CHRM3: variants seen among roughly 807,000 people sequenced by gnomAD.
CHRM3 encodes cholinergic receptor muscarinic 3.
In CHRM3, 11 loss-of-function variants were observed where a neutral mutation model predicts 41.8. The ratio of observed to expected loss-of-function variants is 0.26; its 90% confidence interval spans 0.17 to 0.44. The LOEUF (loss-of-function observed/expected upper bound fraction) is 0.44, where lower values mean the gene tolerates loss of function less well. CHRM3 is among the 20% of genes least tolerant of loss of function. The probability of loss-of-function intolerance (pLI) is 1.00; values close to 1 mark genes in which losing one functional copy is unlikely to be tolerated. For missense variants in CHRM3, 571 were observed against 745.4 expected (o/e 0.77, Z 2.72); for synonymous variants, 297 against 301.4 (o/e 0.99, Z 0.15).
chr1:239,685,531 CTG>C (rs1188909928), intron 5 of CHRM3, among the ~76,000 whole-genome samples: 2 of 151,906 alleles, frequency 1.3e-5, no homozygotes, highest in Admixed American at 6.6e-5. Context: ...CCTCTCAAAA[CTG>C]TGTTCTGGAC....
chr1:239,608,167 A>G (rs1311162955), intron 3 of CHRM3, among the ~76,000 whole-genome samples: 1 of 152,216 alleles, frequency 6.6e-6, no homozygotes, highest in African/African-American at 2.4e-5. Flanking sequence ...AATTTTTGTT[A>G]TAGTTACATT....
At chr1:239,809,202 A>G (rs1670914831) in intron 5 of CHRM3, among the ~76,000 whole-genome samples, 1 of 151,174 alleles carries the variant, frequency 6.6e-6, no homozygotes, top group African/African-American at 2.4e-5. Flanking sequence ...TTGTATTTTT[A>G]GTAGAGAAGG....
At chr1:239,656,267 G>T (rs188258979) in intron 4 of CHRM3, among the ~76,000 whole-genome samples, 1 of 151,926 alleles carries the variant, frequency 6.6e-6, no homozygotes, top group East Asian at 1.9e-4. Context: ...CAAGATACTC[G>T]TGTAATAAAC....
At chr1:239,828,662 G>A (rs1572420007) in intron 6 of CHRM3, among the ~76,000 whole-genome samples, 1 of 152,118 alleles carries the variant, frequency 6.6e-6, no homozygotes, top group African/African-American at 2.4e-5. Flanking sequence ...GATGCAGAAC[G>A]GACAGAGAAC....
chr1:239,616,545 A>G (rs1667655342), intron 3 of CHRM3, among the ~76,000 whole-genome samples: 1 of 152,140 alleles, frequency 6.6e-6, no homozygotes, highest in Non-Finnish European at 1.5e-5. Context: ...CACTCAGGAC[A>G]TTTGATCATT....
At chr1:239,533,346 G>A (rs1455768627) in intron 2 of CHRM3, among the ~76,000 whole-genome samples, 5 of 151,778 alleles carry the variant, frequency 3.3e-5, no homozygotes, top group East Asian at 3.9e-4. Flanking sequence ...GGCTGGGGAG[G>A]CCTCAGGAAA....
At chr1:239,798,483 C>T (rs1399360959) in intron 5 of CHRM3, among the ~76,000 whole-genome samples, 2 of 152,122 alleles carry the variant, frequency 1.3e-5, no homozygotes, top group Non-Finnish European at 2.9e-5. Flanking sequence ...CATAGAACAG[C>T]CCCATGCACA....
At chr1:239,556,393 G>A (rs1293675253) in intron 3 of CHRM3, among the ~76,000 whole-genome samples, 2 of 152,094 alleles carry the variant, frequency 1.3e-5, no homozygotes. Context: ...ATCGTCTCAT[G>A]GTTTTTTTGA....
intron 3 of CHRM3, among the ~76,000 whole-genome samples, chr1:239,562,250 C>A (rs185599731): frequency 1.3e-5 from 2 of 152,276 alleles, no homozygotes; most frequent in Non-Finnish European, 2.9e-5. Context: ...AGACAATACC[C>A]AGTTATCTGT....
intron 2 of CHRM3, among the ~76,000 whole-genome samples, chr1:239,521,146 A>G (rs1163211553): frequency 6.6e-6 from 1 of 152,214 alleles, no homozygotes; most frequent in Non-Finnish European, 1.5e-5. Context: ...ATTCTATTAT[A>G]TTTACTTCCA....
At chr1:239,865,756 G>T (rs1377780565) in intron 6 of CHRM3, among the ~76,000 whole-genome samples, 3 of 152,214 alleles carry the variant, frequency 2.0e-5, no homozygotes, top group Non-Finnish European at 4.4e-5. Context: ...GTTTTAAGAA[G>T]TGACATGATC....
intron 1 of CHRM3, among the ~76,000 whole-genome samples, chr1:239,417,585 T>G (rs1049823225): frequency 6.6e-6 from 1 of 151,362 alleles, no homozygotes. Context: ...ATTTGTTTTT[T>G]TTTTTTTTTT....
Position 239,907,224 on chromosome 1 carries a change from C to A in CHRM3, c.-19-209C>A, listed in dbSNP as rs534565904. ...AAAGCACAATGTTCAGTGCATGCCACCAATTATATAATACTATCTCAAACA... is the reference window on the plus strand; with the variant it reads ...AAAGCACAATGTTCAGTGCATGCCAACAATTATATAATACTATCTCAAACA... On this transcript the variant is annotated intron_variant, in intron 6 of 6. Coordinates refer to ENST00000676153, the MANE Select transcript of CHRM3 (RefSeq NM_001375978.1). The surrounding 1 kb of genome is among the most constrained non-coding windows in gnomAD (Gnocchi z 5.4). Among the ~76,000 whole-genome samples, 16 of 152,268 alleles carry A rather than the reference C, an allele frequency of 1.1e-4. No individual in the cohort carries two copies. The highest frequency in any genetic ancestry group is 6.2e-4 in the South Asian group (3 of 4,828).
chr1:239,663,846 T>A (rs1673503335), intron 4 of CHRM3, among the ~76,000 whole-genome samples: 1 of 152,202 alleles, frequency 6.6e-6, no homozygotes, highest in African/African-American at 2.4e-5. Flanking sequence ...CAGAAAGCTG[T>A]CCCTTTAAAG....
intron 3 of CHRM3, among the ~76,000 whole-genome samples, chr1:239,580,180 G>A (rs1446764388): frequency 6.6e-6 from 1 of 151,212 alleles, no homozygotes; most frequent in Non-Finnish European, 1.5e-5. Flanking sequence ...ATACAAAGAT[G>A]ACAGTACTTT....
chr1:239,713,048 A>C (rs1485960414), intron 5 of CHRM3, among the ~76,000 whole-genome samples: 1 of 152,168 alleles, frequency 6.6e-6, no homozygotes, highest in Non-Finnish European at 1.5e-5. Flanking sequence ...CGGGCAACAC[A>C]AACACTGCCC....
rs1050251948 is a variant in CHRM3 at position 239,549,058 on chromosome 1, C to T, written c.-313+3309C>T. Among the ~76,000 whole-genome samples the T allele has an allele frequency of 1.9e-4, 29 of 152,232 alleles. No homozygotes were observed. In the Middle Eastern group the frequency reaches 0.01, roughly 54 times the overall value. ...CACATTTTACATGGATGGCAGCAGG[C>T]ACAGAGAGAGCTTGTGCAGGGGAAC... On this transcript the variant is annotated intron_variant, in intron 3 of 6. Transcript: ENST00000676153.
intron 1 of CHRM3, among the ~76,000 whole-genome samples, chr1:239,402,310 A>G (rs1345208333): frequency 6.6e-6 from 1 of 152,154 alleles, no homozygotes; most frequent in East Asian, 1.9e-4. Context: ...GCAGCTTATA[A>G]GTCCTATTGA....
At chr1:239,589,220 C>CA (rs1364899754) in intron 3 of CHRM3, among the ~76,000 whole-genome samples, 1 of 152,110 alleles carries the variant, frequency 6.6e-6, no homozygotes, top group Non-Finnish European at 1.5e-5. Flanking sequence ...AGGCGTGAGC[C>CA]ACTGTGCCCA....
Sources: gnomAD v4.1 joint callset for allele counts (sites outside exome capture counted in the v4.1 genomes callset) on GRCh38, gnomAD v4.1.1 for gene constraint, Gnocchi (gnomAD v3.1) non-coding constraint, MANE v1.5 for transcripts, NCBI Gene and HGNC (gene_info 2026-07-23, HGNC 2026-07-21) for gene names.